The following LMNTD2 variants were observed in gnomAD, a reference collection of about 807,000 sequenced individuals.
The protein encoded by LMNTD2 is lamin tail domain containing 2.
Under a neutral mutation model 70.1 loss-of-function variants are expected in LMNTD2, and 83 were observed. That is an observed-to-expected ratio of 1.18 (90% CI 0.99 to 1.42). LMNTD2 has a LOEUF of 1.42. Ranked by LOEUF, LMNTD2 falls within the 40% of genes most tolerant of loss-of-function variation. The probability of loss-of-function intolerance (pLI) is 0.00; values close to 1 mark genes in which losing one functional copy is unlikely to be tolerated. For missense variants in LMNTD2, 1,153 were observed against 905.9 expected (o/e 1.27, Z -3.50); for synonymous variants, 534 against 406.1 (o/e 1.31, Z -3.79).
intron 8 of LMNTD2, 80 bp downstream of exon 8, chr11:556,755 C>T (rs1852908524): frequency 1.4e-6 from 2 of 1,457,320 alleles, no homozygotes; most frequent in Admixed American, 2.5e-5. Flanking sequence ...GGGCCACCTC[C>T]AGGGCTCTGA....
chr11:558,462 G>T, intron 3 of LMNTD2, 152 bp downstream of exon 3: 2 of 1,120,480 alleles, frequency 1.8e-6, no homozygotes, highest in Non-Finnish European at 2.5e-6. Flanking sequence ...GGAGGCTATA[G>T]CGTGTTAACT....
Position 557,575 on chromosome 11 carries a change from C to T in LMNTD2, c.621G>A (p.Gly207=). ...ACACGTGGGAGGCCTAGCTCACCTCCCCGGTGGGGGCCTGAATGTTTTCAG... is the reference window on the plus strand; with the variant it reads ...ACACGTGGGAGGCCTAGCTCACCTCTCCGGTGGGGGCCTGAATGTTTTCAG... The part of the protein sequence containing the change: ...DLSENIQAPT[G]EGFRLEDVDW... Residue 207 remains glycine, a synonymous_variant, in exon 6 of 14, where the codon GGG becomes GGA. Coordinates refer to ENST00000329451, the MANE Select transcript of LMNTD2 (RefSeq NM_173573.3). The T allele has an allele frequency of 6.2e-7, 1 of 1,613,428 alleles. No individual in the cohort carries two copies.
chr11:555,618 C>T, intron 12 of LMNTD2, 115 bp from the exon 13 acceptor site: 1 of 1,260,322 alleles, frequency 7.9e-7, no homozygotes, highest in East Asian at 3.2e-5. Flanking sequence ...CAGGGGGCGG[C>T]CGGGGCGGGG....
At chr11:558,579 CG>C in intron 3 of LMNTD2, 34 bp downstream of exon 3, 2 of 1,216,976 alleles carry the variant, frequency 1.6e-6, no homozygotes, top group Non-Finnish European at 2.3e-6. Context: ...GAGGACAGGG[CG>C]GGGTTGGGTT....
chr11:556,688 G>A, intron 8 of LMNTD2, 100 bp from the exon 9 acceptor site: 1 of 1,410,364 alleles, frequency 7.1e-7, no homozygotes, highest in Non-Finnish European at 9.3e-7. Context: ...TGGCGGGGCA[G>A]GGAGCAGGGC....
chr11:560,485 C>T (rs1490752105), intron 1 of LMNTD2, 198 bp downstream of exon 1: 13 of 1,257,546 alleles, frequency 1.0e-5, no homozygotes, highest in Non-Finnish European at 8.0e-6. Context: ...GACCCCGCGA[C>T]CCCTGCGCGT....
At chr11:559,327 G>GC in intron 1 of LMNTD2, 1 of 1,380,936 alleles carries the variant, frequency 7.2e-7, no homozygotes, top group Non-Finnish European at 9.6e-7. Flanking sequence ...CCAGCTCAGG[G>GC]CCCTACCCCC....
Position 555,740 on chromosome 11 carries a change from C to T in LMNTD2, c.1568G>A (p.Arg523Lys), listed in dbSNP as rs528275466. Reference protein sequence around the residue: ...RVREPRVSRRRPGTRGLLPPV... With the variant: ...RVREPRVSRRKPGTRGLLPPV... ...GGGGACCCGCGGTCCCCACCCTGGT[C>T]TCCGGCGACTGACCCGGGGCTCCCG... Residue 523 changes from arginine to lysine, a missense_variant, in exon 12 of 14, where the codon AGA becomes AAA. Arg to Lys is a conservative substitution (Grantham distance 26). Transcript: ENST00000329451. 6.8e-5 allele frequency: 95 copies of T among 1,405,836 alleles called. No individual in the cohort carries two copies. The African/African-American group carries it at 1.3e-3, about 19-fold the overall frequency. 87.1% of individuals were successfully genotyped at this position (1,405,836 alleles called of 1,614,324 possible). A position where few individuals can be genotyped will look rare whatever the true frequency, so the allele number is the denominator to read the frequency against.
In LMNTD2 at chr11:557,755, A is replaced by G. The variant is rs889044696; in HGVS notation, c.556-115T>C. 2.4e-5 allele frequency: 37 copies of G among 1,562,836 alleles called. No homozygotes were observed. In the South Asian group the frequency reaches 4.1e-4, roughly 17 times the overall value. ...TCCTGATTCCTCCCTGCTGGAGCCC[A>G]GAGTTCCAGAGGCACCTGAGCAGGG... On this transcript the variant is annotated intron_variant, in intron 5 of 13. Coordinates refer to ENST00000329451, the MANE Select transcript of LMNTD2 (RefSeq NM_173573.3).
At position 555,874 on chromosome 11, in the gene LMNTD2, G is replaced by A. The variant is rs151247449; in HGVS notation, c.1434C>T (p.Ala478=). The A allele has an allele frequency of 1.4e-5, 22 of 1,564,520 alleles. No homozygotes were observed. Among genetic ancestry groups the A allele is most frequent in the Middle Eastern group, 1.8e-4 (1 of 5,622 alleles). The change falls in exon 12 of 14, where the codon GCC becomes GCT. Residue 478 remains alanine (A), a synonymous_variant. Coordinates refer to ENST00000329451, the MANE Select transcript of LMNTD2 (RefSeq NM_173573.3). ...GGTCGATGGACAAGTCGGTGCCGTC[G>A]GCGAAGACCCTCGGGGCCGGAGTCT... is the stretch of plus-strand genomic sequence containing the variant. The part of the protein sequence containing the change: ...RRETPAPRVF[A]DGTDLSIDRF...
At position 555,834 on chromosome 11, in the gene LMNTD2, CAGGG is replaced by C. The variant is rs763018325; in HGVS notation, c.1470_1473del (p.Pro491ArgfsTer42). ...CGGGTGTCGGCGCCGGGCCCGGCCT[CAGGG>C]AGCGGGAAGCGGTCGATGGACAAGT... is the stretch of plus-strand genomic sequence containing the variant. On this transcript the variant is annotated frameshift_variant, in exon 12 of 14. Transcript: ENST00000329451. LOFTEE classifies it high-confidence loss of function. 10 of 1,548,852 alleles carry C rather than the reference CAGGG, an allele frequency of 6.5e-6. No homozygotes were observed. The Admixed American group carries it at 1.8e-4, about 29-fold the overall frequency.
At position 554,975 on chromosome 11, in the gene LMNTD2, C is replaced by T; in HGVS notation, c.*5G>A. The T allele has an allele frequency of 6.4e-7, 1 of 1,565,904 alleles. No individual in the cohort carries two copies. Among genetic ancestry groups the T allele is most frequent in the Non-Finnish European group, 8.6e-7 (1 of 1,159,884 alleles). On this transcript the variant is annotated 3_prime_UTR_variant, in exon 14 of 14. Transcript: ENST00000329451. ...CCTCGCGGTCCCGGCCCCACTCCTC[C>T]GCCCCTAGGCGCCGCGGCAGGTGTC...
At chr11:559,794 C>T (rs574499588) in intron 1 of LMNTD2, 3 of 1,034,498 alleles carry the variant, frequency 2.9e-6, no homozygotes, top group Admixed American at 4.7e-5. Flanking sequence ...GGGTCTTGCT[C>T]CGCTGTCCAG....
rs932139517 is a variant in LMNTD2 at position 560,616 on chromosome 11, G to C, written c.34+67C>G. The C allele has an allele frequency of 3.0e-6, 4 of 1,325,378 alleles. No homozygotes were observed. The East Asian group carries it at 1.3e-4, about 42-fold the overall frequency. The allele number at this position is 1,325,378 out of a possible 1,614,324, so 82.1% of individuals were successfully genotyped here. A position where few individuals can be genotyped will look rare whatever the true frequency, so the allele number is the denominator to read the frequency against. On this transcript the variant is annotated intron_variant, in intron 1 of 13. Transcript: ENST00000329451. ...GGATCTCAAGCCAGAGACCCTTCCT[G>C]GGCGGGAACCCGCCACACTAGAAGG...
chr11:560,522 C>T (rs979783961), intron 1 of LMNTD2, 161 bp downstream of exon 1: 132 of 1,276,340 alleles, frequency 1.0e-4, no homozygotes, highest in Admixed American at 1.7e-4. Flanking sequence ...GCGGTAGGCC[C>T]CAAAGGCTGG....
rs199751579 is a variant in LMNTD2 at position 556,048 on chromosome 11, G to A, written c.1325C>T (p.Pro442Leu). Residue 442 changes from proline (P) to leucine (L), a missense_variant, in exon 11 of 14, where the codon CCC becomes CTC. Transcript: ENST00000329451. ...CGCGCAGCCGCGGATGGAGAGGAGG[G>A]GAACGGGCTCCCGGCTCGAGGACGC... ...LRASSSREPV[P>L]LLSIRGCATL... is the part of the protein sequence containing the mutation. 8,702 of 1,553,554 alleles carry A rather than the reference G, an allele frequency of 5.6e-3. 23 individuals carry two copies. Among genetic ancestry groups the A allele is most frequent in the Middle Eastern group, 7.9e-3 (36 of 4,544 alleles).
At position 555,360 on chromosome 11, in the gene LMNTD2, G is replaced by C. The variant is rs370145696; in HGVS notation, c.1718C>G (p.Ala573Gly). The stretch of plus-strand genomic sequence containing the variant: ...GTCCTCCAGGCCCAGCCCGGCCTCT[G>C]CGGGAGGCGACGGCAGGGTGGGGTC... ...PGDPTLPSPP[A>G]EAGLGLEDCR... Residue 573 changes from alanine (A) to glycine (G), a missense_variant, in exon 13 of 14, where the codon GCA becomes GGA. By Grantham distance (60) the Ala-to-Gly change is moderately conservative. Coordinates refer to ENST00000329451, the MANE Select transcript of LMNTD2 (RefSeq NM_173573.3). 35 of 1,421,804 alleles carry C rather than the reference G, an allele frequency of 2.5e-5. No homozygotes were observed. Among genetic ancestry groups the C allele is most frequent in the Non-Finnish European group, 2.9e-5 (32 of 1,091,056 alleles). 88.1% of individuals were successfully genotyped at this position (1,421,804 alleles called of 1,614,324 possible).
chr11:555,394 TGGC>T lies in LMNTD2; in HGVS notation c.1681_1683del (p.Ala561del). 7.2e-7 allele frequency: 1 copy of T among 1,396,868 alleles called. No individual in the cohort carries two copies. The highest frequency in any genetic ancestry group is 9.3e-7 in the Non-Finnish European group (1 of 1,078,822). The allele number at this position is 1,396,868 out of a possible 1,614,324, so 86.5% of individuals were successfully genotyped here. A position where few individuals can be genotyped will look rare whatever the true frequency, so the allele number is the denominator to read the frequency against. On this transcript the variant is annotated inframe_deletion, in exon 13 of 14. Transcript: ENST00000329451. ...GACGGCAGGGTGGGGTCACCCGGGA[TGGC>T]GGGCAGGTGCTGCGGCGCGGGGATC...
chr11:558,659 C>G lies in LMNTD2; in HGVS notation c.266G>C (p.Arg89Pro). 1 of 1,605,444 alleles carries G rather than the reference C, an allele frequency of 6.2e-7. No homozygotes were observed. ...RWAIQNGEDA[R>P]LCHILEEVAG... ...CACCTCTTCCAGGATGTGGCAGAGCCGGGCGTCCTCGCCATTCTGGATGGC... is the reference window on the plus strand; with the variant it reads ...CACCTCTTCCAGGATGTGGCAGAGCGGGGCGTCCTCGCCATTCTGGATGGC... The change falls in exon 3 of 14, where the codon CGG (arginine) becomes CCG (proline). Residue 89 changes from arginine (R) to proline (P), a missense_variant. Coordinates refer to ENST00000329451, the MANE Select transcript of LMNTD2 (RefSeq NM_173573.3).
Sources: gnomAD v4.1 joint callset for allele counts on GRCh38, gnomAD v4.1.1 for gene constraint, MANE v1.5 for transcripts, NCBI Gene and HGNC (gene_info 2026-07-23, HGNC 2026-07-21) for gene names.